Variants in SCMH1 observed in about 807,000 individuals in gnomAD.
SCMH1 encodes the protein polycomb protein SCMH1.
SCMH1 carries 37 observed loss-of-function variants against 70.8 expected under a neutral mutation model. The observed-to-expected ratio is 0.52, with a 90% confidence interval of 0.40 to 0.69. The LOEUF (loss-of-function observed/expected upper bound fraction) is 0.69, where lower values mean the gene tolerates loss of function less well. Ranked by LOEUF, SCMH1 falls within the 30% of genes least tolerant of loss-of-function variation. SCMH1 has a pLI of 0.00. For synonymous variants in SCMH1, 292 were observed against 307.4 expected (o/e 0.95, Z 0.52); for missense variants, 607 against 827.3 (o/e 0.73, Z 3.27).
intron 1 of SCMH1, among the ~76,000 whole-genome samples, chr1:41,239,155 T>C (rs1662991472): frequency 2.6e-5 from 4 of 152,196 alleles, no homozygotes; most frequent in Admixed American, 2.0e-4. Flanking sequence ...AGGATACTTA[T>C]GCATACAAGG....
At chr1:41,071,266 GA>G (rs1656395274) in intron 9 of SCMH1, among the ~76,000 whole-genome samples, 1 of 21,820 alleles carries the variant, frequency 4.6e-5, no homozygotes, top group African/African-American at 1.2e-3. Context: ...CCTTTACAAT[GA>G]TAAGATGTCT....
chr1:41,182,290 G>A (rs994975797), intron 2 of SCMH1, among the ~76,000 whole-genome samples: 4 of 152,140 alleles, frequency 2.6e-5, no homozygotes, highest in Admixed American at 1.3e-4. Context: ...CATGGCACAT[G>A]TATACATATG....
At chr1:41,107,248 T>G (rs1225759872) in intron 8 of SCMH1, among the ~76,000 whole-genome samples, 1 of 151,892 alleles carries the variant, frequency 6.6e-6, no homozygotes, top group African/African-American at 2.4e-5. Context: ...TCCAGTCCCC[T>G]CAATCTAGGT....
At chr1:41,059,419 C>T (rs117280039) in intron 10 of SCMH1, among the ~76,000 whole-genome samples, 2,858 of 152,272 alleles carry the variant, frequency 0.019, 87 homozygotes, top group East Asian at 0.11. Flanking sequence ...CATCTGAACA[C>T]TGAGAGGAGT....
chr1:41,158,127 C>T (rs186940276), intron 4 of SCMH1, among the ~76,000 whole-genome samples: 2 of 152,242 alleles, frequency 1.3e-5, no homozygotes, highest in Non-Finnish European at 2.9e-5. Flanking sequence ...CACCTGAGGA[C>T]CAGGTGAAGG....
At chr1:41,160,810 T>G in intron 4 of SCMH1, 65 bp downstream of exon 4, 3 of 1,448,322 alleles carry the variant, frequency 2.1e-6, no homozygotes, top group Non-Finnish European at 2.8e-6. Flanking sequence ...TTAAAACTGG[T>G]TATAATCTAA....
chr1:41,153,752 G>A (rs1210508237), intron 4 of SCMH1, among the ~76,000 whole-genome samples: 2 of 152,144 alleles, frequency 1.3e-5, no homozygotes, highest in African/African-American at 4.8e-5. Flanking sequence ...CTAAGGCTTA[G>A]TTCCTTATTA....
At chr1:41,114,591 C>CTTTCTATTATA (rs768014741) in intron 7 of SCMH1, among the ~76,000 whole-genome samples, 2,484 of 151,902 alleles carry the variant, frequency 0.016, 27 homozygotes, top group South Asian at 0.03. Context: ...GTGGAAATAA[C>CTTTCTATTATA]CTTTATTATA....
chr1:41,225,910 T>C (rs1255336605), intron 1 of SCMH1, among the ~76,000 whole-genome samples: 1 of 152,156 alleles, frequency 6.6e-6, no homozygotes, highest in Non-Finnish European at 1.5e-5. Flanking sequence ...AACAAATTGT[T>C]AGGTAAAACA....
chr1:41,214,145 A>C (rs2148814751), intron 1 of SCMH1, among the ~76,000 whole-genome samples: 1 of 152,214 alleles, frequency 6.6e-6, no homozygotes, highest in East Asian at 1.9e-4. Context: ...AGACTAACTT[A>C]ACCAAGTTAC....
At chr1:41,140,214 A>G (rs1343252487) in intron 6 of SCMH1, among the ~76,000 whole-genome samples, 1 of 152,140 alleles carries the variant, frequency 6.6e-6, no homozygotes, top group African/African-American at 2.4e-5. Flanking sequence ...AATTTAAGGT[A>G]GCAGAGATGA....
intron 13 of SCMH1, among the ~76,000 whole-genome samples, chr1:41,029,808 T>C (rs1369583751): frequency 3.3e-5 from 5 of 152,206 alleles, no homozygotes; most frequent in Non-Finnish European, 7.3e-5. Context: ...AAATAAATGG[T>C]CTCACAAAGT....
intron 1 of SCMH1, among the ~76,000 whole-genome samples, chr1:41,208,036 A>T (rs1460547573): frequency 1.7e-5 from 2 of 118,004 alleles, no homozygotes; most frequent in African/African-American, 3.3e-5. Context: ...CAAATGTCCA[A>T]CAATGATAGA....
At chr1:41,152,704 C>A (rs761945624) in intron 4 of SCMH1, 3 of 1,613,868 alleles carry the variant, frequency 1.9e-6, no homozygotes, top group South Asian at 2.2e-5. Context: ...AGTGGAGCAG[C>A]ACAGAGCCCC....
At chr1:41,085,236 C>A (rs1661273151) in intron 8 of SCMH1, among the ~76,000 whole-genome samples, 1 of 151,746 alleles carries the variant, frequency 6.6e-6, no homozygotes, top group Non-Finnish European at 1.5e-5. Flanking sequence ...AAAGATAATT[C>A]AATATTAGGA....
intron 1 of SCMH1, among the ~76,000 whole-genome samples, chr1:41,208,509 A>G (rs559200034): frequency 6.6e-6 from 1 of 152,328 alleles, no homozygotes; most frequent in South Asian, 2.1e-4. Flanking sequence ...GTAAAAGAAC[A>G]GAAATCACAA....
intron 5 of SCMH1, among the ~76,000 whole-genome samples, chr1:41,148,244 C>T (rs1313118200): frequency 6.6e-6 from 1 of 152,196 alleles, no homozygotes; most frequent in African/African-American, 2.4e-5. Flanking sequence ...TTATCATCCT[C>T]ACAATATACG....
intron 10 of SCMH1, among the ~76,000 whole-genome samples, chr1:41,056,292 G>GCCCCAATTGAGGTA (rs1650265595): frequency 6.6e-6 from 1 of 152,262 alleles, no homozygotes; most frequent in Non-Finnish European, 1.5e-5. Flanking sequence ...ATTATCATAA[G>GCCCCAATTGAGGTA]CCCCAATTGA....
chr1:41,151,675 G>A, exon 5 of SCMH1: 1 of 1,610,170 alleles, frequency 6.2e-7, no homozygotes, highest in Non-Finnish European at 8.5e-7. Flanking sequence ...TTTGTCCCAG[G>A]TAAAATGACC....
Sources: allele counts gnomAD v4.1 joint callset (sites outside exome capture counted in the v4.1 genomes callset), GRCh38; gene constraint gnomAD v4.1.1; transcripts MANE v1.5; gene names NCBI Gene and HGNC (gene_info 2026-07-23, HGNC 2026-07-21).